ZNF804A: variants seen among roughly 807,000 people sequenced by gnomAD.
ZNF804A encodes the protein zinc finger protein 804A.
A neutral mutation model predicts 16.5 loss-of-function variants in ZNF804A; 2 were observed. That is an observed-to-expected ratio of 0.12 (90% CI 0.05 to 0.38). ZNF804A has a LOEUF of 0.38. ZNF804A is among the 10% of genes least tolerant of loss of function. ZNF804A has a pLI of 0.99. For synonymous variants in ZNF804A, 534 were observed against 489.6 expected (o/e 1.09, Z -1.20); for missense variants, 1,473 against 1,390.7 (o/e 1.06, Z -0.94).
intron 1 of ZNF804A, among the ~76,000 whole-genome samples, chr2:184,666,852 C>T (rs888377778): frequency 1.2e-4 from 19 of 152,006 alleles, no homozygotes; most frequent in African/African-American, 4.1e-4. Flanking sequence ...GGGAAATATA[C>T]GTGTATAAAA....
chr2:184,762,433 G>C (rs1232355801), intron 1 of ZNF804A, among the ~76,000 whole-genome samples: 1 of 151,698 alleles, frequency 6.6e-6, no homozygotes. Context: ...CTTTCAAGAA[G>C]AATTATGTAA....
At chr2:184,869,569 C>A (rs1016713731) in intron 2 of ZNF804A, among the ~76,000 whole-genome samples, 1 of 151,950 alleles carries the variant, frequency 6.6e-6, no homozygotes, top group African/African-American at 2.4e-5. Context: ...TTGCAGAGTA[C>A]ATGGAAAATA....
At chr2:184,800,268 C>A (rs1694703312) in intron 1 of ZNF804A, among the ~76,000 whole-genome samples, 1 of 151,892 alleles carries the variant, frequency 6.6e-6, no homozygotes, top group Admixed American at 6.6e-5. Context: ...TTCCTTCTTT[C>A]AGTAAGTCTT....
chr2:184,731,009 G>A (rs1056289434), intron 1 of ZNF804A, among the ~76,000 whole-genome samples: 4 of 151,816 alleles, frequency 2.6e-5, no homozygotes, highest in South Asian at 2.1e-4. Flanking sequence ...TTGAGAGGAC[G>A]AGGTGGGTGG....
chr2:184,747,885 A>G (rs1304062449), intron 1 of ZNF804A, among the ~76,000 whole-genome samples: 2 of 151,430 alleles, frequency 1.3e-5, no homozygotes. Flanking sequence ...ACTTACACTA[A>G]TAAGTAAGAA....
At chr2:184,693,415 T>A (rs1376706020) in intron 1 of ZNF804A, among the ~76,000 whole-genome samples, 1 of 152,178 alleles carries the variant, frequency 6.6e-6, no homozygotes, top group Non-Finnish European at 1.5e-5. Flanking sequence ...TGCCTTGCAA[T>A]CCAAGATAAT....
intron 1 of ZNF804A, among the ~76,000 whole-genome samples, chr2:184,685,969 C>T (rs1190212617): frequency 1.3e-5 from 2 of 152,330 alleles, no homozygotes; most frequent in East Asian, 3.9e-4. Context: ...TCATCAGTGC[C>T]CAAAGTCTGG....
At chr2:184,923,254 A>C (rs924890337) in intron 2 of ZNF804A, among the ~76,000 whole-genome samples, 1 of 151,888 alleles carries the variant, frequency 6.6e-6, no homozygotes, top group African/African-American at 2.4e-5. Context: ...TTTTTATTGT[A>C]TAAATCTTTT....
At chr2:184,800,816 T>A (rs1694713104) in intron 1 of ZNF804A, among the ~76,000 whole-genome samples, 1 of 152,064 alleles carries the variant, frequency 6.6e-6, no homozygotes. Context: ...ATAAACCATA[T>A]AACCACCCAA....
At chr2:184,701,804 A>T (rs971160070) in intron 1 of ZNF804A, among the ~76,000 whole-genome samples, 1 of 151,954 alleles carries the variant, frequency 6.6e-6, no homozygotes, top group Non-Finnish European at 1.5e-5. Context: ...CTACAATTAG[A>T]GTTAACTGAG....
intron 1 of ZNF804A, among the ~76,000 whole-genome samples, chr2:184,780,212 G>C (rs1694353104): frequency 6.6e-6 from 1 of 151,732 alleles, no homozygotes; most frequent in Non-Finnish European, 1.5e-5. Context: ...TGTAGTACCA[G>C]AGCGAAAATT....
intron 2 of ZNF804A, among the ~76,000 whole-genome samples, chr2:184,879,466 C>T (rs1334224531): frequency 2.0e-5 from 3 of 151,864 alleles, no homozygotes; most frequent in African/African-American, 7.3e-5. Context: ...AGAAAGCATA[C>T]CAACCGTGCA....
chr2:184,900,302 G>C (rs996650028), intron 2 of ZNF804A, among the ~76,000 whole-genome samples: 1 of 152,028 alleles, frequency 6.6e-6, no homozygotes, highest in South Asian at 2.1e-4. Context: ...TAGGTACAGT[G>C]CCCCCCTTGA....
In ZNF804A at chr2:184,895,723, T is replaced by C. The variant is rs141637709; in HGVS notation, c.255+29211T>C. Among the ~76,000 whole-genome samples the C allele has an allele frequency of 3.1e-3, 478 of 152,372 alleles. 3 individuals carry two copies. The highest frequency in any genetic ancestry group is 0.011 in the African/African-American group (462 of 41,588). On this transcript the variant is annotated intron_variant, in intron 2 of 3. Transcript: ENST00000302277. ...GCAAAGAAATTCCATGGGATTTTAC[T>C]TCAACCTTGATTTTCTTTTGTTTTC...
At chr2:184,599,117 C>A in intron 1 of ZNF804A, 47 bp downstream of exon 1, 1 of 1,397,932 alleles carries the variant, frequency 7.2e-7, no homozygotes, top group Non-Finnish European at 1.0e-6. Context: ...TTTAAGAGGG[C>A]ATTTGGAAGA....
At chr2:184,761,907 T>C (rs537840587) in intron 1 of ZNF804A, among the ~76,000 whole-genome samples, 9 of 152,230 alleles carry the variant, frequency 5.9e-5, no homozygotes, top group Admixed American at 5.9e-4. Context: ...CTTTTGAGCC[T>C]AGAAATTATG....
Position 184,936,688 on chromosome 2 carries a change from A to C in ZNF804A, c.1292A>C (p.Lys431Thr), listed in dbSNP as rs1436487126. Residue 431 changes from lysine to threonine, a missense_variant, in exon 4 of 4, where the codon AAA (lysine) becomes ACA (threonine). Lys to Thr is a moderately conservative substitution (Grantham distance 78). Coordinates refer to ENST00000302277, the MANE Select transcript of ZNF804A (RefSeq NM_194250.2). ...QCEPFVPVLN[K>T]HRSTVLQWPS... ...GAGCCATTTGTACCTGTCCTTAACA[A>C]ACACAGATCTACAGTTCTTCAGTGG... The C allele has an allele frequency of 6.2e-7, 1 of 1,613,694 alleles. No homozygotes were observed. Among genetic ancestry groups the C allele is most frequent in the Non-Finnish European group, 8.5e-7 (1 of 1,179,888 alleles).
chr2:184,893,645 A>G (rs1685019857), intron 2 of ZNF804A, among the ~76,000 whole-genome samples: 1 of 152,138 alleles, frequency 6.6e-6, no homozygotes, highest in Admixed American at 6.5e-5. Flanking sequence ...TTTTAAAACT[A>G]CTAATTAATA....
At chr2:184,661,646 G>A (rs909449747) in intron 1 of ZNF804A, among the ~76,000 whole-genome samples, 8 of 152,138 alleles carry the variant, frequency 5.3e-5, no homozygotes, top group Non-Finnish European at 1.0e-4. Flanking sequence ...CAATAGAGAA[G>A]AGAGAGGGTA....
Sources: gnomAD v4.1 joint callset for allele counts (sites outside exome capture counted in the v4.1 genomes callset) on GRCh38, gnomAD v4.1.1 for gene constraint, MANE v1.5 for transcripts, NCBI Gene and HGNC (gene_info 2026-07-23, HGNC 2026-07-21) for gene names.